NCAM2: variants seen among roughly 807,000 people sequenced by gnomAD.
NCAM2 encodes N-CAM-2.
In NCAM2, 30 loss-of-function variants were observed where a neutral mutation model predicts 98.1. The ratio of observed to expected loss-of-function variants is 0.31; its 90% confidence interval spans 0.23 to 0.41. The LOEUF is 0.41. Among genes scored for constraint, NCAM2 ranks in the 10% least tolerant of loss-of-function variants. NCAM2 has a pLI of 1.00. For synonymous variants in NCAM2, 368 were observed against 342.4 expected, an observed-to-expected ratio of 1.07 and a Z score of -0.83; for missense variants, 867 against 1,005.8, an observed-to-expected ratio of 0.86 and a Z score of 1.87.
rs1407783786 is a variant in NCAM2, at chr21:21,434,992, A to G, written c.1654+2711A>G. Among the ~76,000 whole-genome samples the G allele has an allele frequency of 3.3e-5, 5 of 152,150 alleles. No individual in the cohort carries two copies. In the South Asian group the frequency reaches 1.0e-3, roughly 32 times the overall value. On this transcript the variant is annotated intron_variant, in intron 12 of 17. Coordinates refer to ENST00000400546, the MANE Select transcript of NCAM2 (RefSeq NM_004540.5). ...CTTGGGGATGTGTGACTGGAGTGCA[A>G]GCACACCAGAAGGAGATAGAATATT...
chr21:21,383,088 T>A (rs2076194064), intron 9 of NCAM2, among the ~76,000 whole-genome samples: 1 of 152,188 alleles, frequency 6.6e-6, no homozygotes, highest in African/African-American at 2.4e-5. Context: ...ACAATTCACC[T>A]CACTGTACTG....
chr21:21,468,615 G>T, intron 13 of NCAM2, 47 bp from the exon 14 acceptor site: 1 of 1,540,040 alleles, frequency 6.5e-7, no homozygotes, highest in African/African-American at 1.4e-5. Flanking sequence ...GTTTATCTAG[G>T]TATCTGAAAT....
At chr21:21,351,915 T>A (rs12482337) in intron 8 of NCAM2, among the ~76,000 whole-genome samples, 5,069 of 151,898 alleles carry the variant, frequency 0.033, 185 homozygotes, top group South Asian at 0.14. Flanking sequence ...CCCGGCTAAT[T>A]TTTTTATTAT....
chr21:21,463,647 G>C (rs565495413), intron 12 of NCAM2: 200 of 152,220 alleles, frequency 1.3e-3, no homozygotes, highest in African/African-American at 4.5e-3. Context: ...TTGAATCTGA[G>C]AACAGAAACA....
intron 1 of NCAM2, among the ~76,000 whole-genome samples, chr21:21,112,591 A>AT (rs1410676798): frequency 6.6e-6 from 1 of 152,128 alleles, no homozygotes; most frequent in Non-Finnish European, 1.5e-5. Flanking sequence ...TCTGGAAGTT[A>AT]TTTTTTGACA....
In NCAM2 at chr21:21,250,509, T is replaced by G. The variant is rs534745858; in HGVS notation, c.56-30069T>G. Reference sequence around the variant, plus strand: ...AATAAGCAAAGAAATTATAAATATATGCAACACATGGGTCAGTAAGTCTAA... The same window carrying G: ...AATAAGCAAAGAAATTATAAATATAGGCAACACATGGGTCAGTAAGTCTAA... On this transcript the variant is annotated intron_variant, in intron 1 of 17. Transcript: ENST00000400546. 4.9e-4 allele frequency among the ~76,000 whole-genome samples: 75 copies of G among 152,262 alleles called. 1 individual carries two copies. The highest frequency in any genetic ancestry group is 2.9e-3 in the Admixed American group (44 of 15,276).
In NCAM2 at chr21:21,050,940, G is replaced by A. The variant is rs141586122; in HGVS notation, c.55+52322G>A. Among the ~76,000 whole-genome samples the A allele has an allele frequency of 2.9e-3, 444 of 152,248 alleles. 4 individuals carry two copies. The highest frequency in any genetic ancestry group is 9.8e-3 in the African/African-American group (409 of 41,546). ...TTAAATATTTATTTGGGAACAGCATGATACATTTGATTTCCTCTTATCAAG... is the reference window on the plus strand; with the variant it reads ...TTAAATATTTATTTGGGAACAGCATAATACATTTGATTTCCTCTTATCAAG... On this transcript the variant is annotated intron_variant, in intron 1 of 17. Coordinates refer to ENST00000400546, the MANE Select transcript of NCAM2 (RefSeq NM_004540.5).
chr21:21,217,583 A>G (rs903231188), intron 1 of NCAM2, among the ~76,000 whole-genome samples: 1 of 152,164 alleles, frequency 6.6e-6, no homozygotes, highest in Non-Finnish European at 1.5e-5. Flanking sequence ...TGGTTATTCA[A>G]TCAGACACAA....
rs1194853224 is a variant in NCAM2, at chr21:21,432,189, C to G, written c.1562C>G (p.Ser521Cys). 6.2e-7 allele frequency: 1 copy of G among 1,614,024 alleles called. No homozygotes were observed. Among genetic ancestry groups the G allele is most frequent in the South Asian group, 1.1e-5 (1 of 91,076 alleles). The change falls in exon 12 of 18, where the codon TCC (serine) becomes TGC (cysteine). Residue 521 changes from serine (S) to cysteine (C), a missense_variant. By Grantham distance (112) the Ser-to-Cys change is moderately radical. Coordinates refer to ENST00000400546, the MANE Select transcript of NCAM2 (RefSeq NM_004540.5). ...TAKVSFNKPDSHGGVPIHHYQ... is the reference protein window; with the variant it reads ...TAKVSFNKPDCHGGVPIHHYQ... ...AAGGTTTCCTTCAACAAACCGGACT[C>G]CCATGGAGGTGTACCTATTCATCAC...
At chr21:21,377,683 C>G (rs895942467) in intron 9 of NCAM2, among the ~76,000 whole-genome samples, 2 of 151,760 alleles carry the variant, frequency 1.3e-5, no homozygotes, top group African/African-American at 4.8e-5. Flanking sequence ...CCTCACCTAC[C>G]TTTTTTATGG....
intron 1 of NCAM2, among the ~76,000 whole-genome samples, chr21:21,180,152 T>C (rs891478210): frequency 3.9e-5 from 6 of 152,172 alleles, no homozygotes; most frequent in Admixed American, 6.5e-5. Context: ...ACAAAGGACG[T>C]TCCAATGGGT....
At chr21:21,218,156 A>G (rs1350591112) in intron 1 of NCAM2, among the ~76,000 whole-genome samples, 1 of 152,228 alleles carries the variant, frequency 6.6e-6, no homozygotes, top group Non-Finnish European at 1.5e-5. Flanking sequence ...AACACTTTGC[A>G]TAAATGCGTT....
intron 1 of NCAM2, among the ~76,000 whole-genome samples, chr21:21,207,268 A>C (rs1260903190): frequency 6.6e-6 from 1 of 152,156 alleles, no homozygotes; most frequent in Non-Finnish European, 1.5e-5. Context: ...TAATTTAAAG[A>C]GTGGGAAATA....
intron 16 of NCAM2, among the ~76,000 whole-genome samples, chr21:21,520,401 C>T (rs968227835): frequency 4.6e-5 from 7 of 151,994 alleles, no homozygotes; most frequent in Non-Finnish European, 8.8e-5. Context: ...TTAACTAGCT[C>T]GTGTGTGTCT....
chr21:21,397,721 C>A (rs532440508), intron 9 of NCAM2, among the ~76,000 whole-genome samples: 2 of 152,356 alleles, frequency 1.3e-5, no homozygotes, highest in Admixed American at 1.3e-4. Context: ...TCCCACCCCA[C>A]CTACTCGGTA....
At chr21:21,185,127 T>C (rs1256929909) in intron 1 of NCAM2, among the ~76,000 whole-genome samples, 3 of 152,200 alleles carry the variant, frequency 2.0e-5, no homozygotes, top group Non-Finnish European at 4.4e-5. Flanking sequence ...TCTGCAGTTA[T>C]GAAATAAAAT....
intron 1 of NCAM2, among the ~76,000 whole-genome samples, chr21:21,218,935 T>G (rs2082974135): frequency 6.6e-6 from 1 of 152,146 alleles, no homozygotes; most frequent in African/African-American, 2.4e-5. Flanking sequence ...CCCAGTTACT[T>G]GGGAGGCTGA....
intron 1 of NCAM2, among the ~76,000 whole-genome samples, chr21:21,244,818 A>T (rs1387097477): frequency 7.4e-6 from 1 of 134,710 alleles, no homozygotes; most frequent in Non-Finnish European, 1.5e-5. Flanking sequence ...CTGCACTCCT[A>T]CCTGGGGACA....
intron 1 of NCAM2, among the ~76,000 whole-genome samples, chr21:21,095,249 C>T (rs1021504852): frequency 4.6e-5 from 7 of 151,714 alleles, no homozygotes; most frequent in African/African-American, 1.4e-4. Context: ...ACATTTTCAA[C>T]GCAAATCACA....
Sources: gnomAD v4.1 joint callset for allele counts (sites outside exome capture counted in the v4.1 genomes callset) on GRCh38, gnomAD v4.1.1 for gene constraint, MANE v1.5 for transcripts, NCBI Gene and HGNC (gene_info 2026-07-23, HGNC 2026-07-21) for gene names.